Variants in KLHL1 observed in about 807,000 individuals in gnomAD.
The protein encoded by KLHL1 is kelch like family member 1.
KLHL1 carries 47 observed loss-of-function variants against 77.7 expected under a neutral mutation model. That is an observed-to-expected ratio of 0.60 (90% CI 0.48 to 0.77). The LOEUF is 0.77. KLHL1 is among the 30% of genes least tolerant of loss of function. The pLI, the probability that KLHL1 is intolerant of heterozygous loss-of-function variation, is 0.00. For missense variants in KLHL1, 925 were observed against 910.8 expected (o/e 1.02, Z -0.20); for synonymous variants, 360 against 325.2 (o/e 1.11, Z -1.15).
intron 5 of KLHL1, among the ~76,000 whole-genome samples, chr13:69,844,883 G>A (rs923186417): frequency 1.2e-4 from 18 of 151,194 alleles, no homozygotes; most frequent in African/African-American, 4.4e-4. Context: ...ACACATCTTG[G>A]AACTGGTACA....
rs755814786 is a variant in KLHL1, at chr13:69,975,692, T to C, written c.608A>G (p.Glu203Gly). ...HHAEQTFRKMESYLKQQQLCD... is the reference protein window; with the variant it reads ...HHAEQTFRKMGSYLKQQQLCD... ...AAGTTGCTGCTGCTTCAAATAACTTTCCATCTTTCTGAAGGTTTGCTCAGC... is the reference window on the plus strand; with the variant it reads ...AAGTTGCTGCTGCTTCAAATAACTTCCCATCTTTCTGAAGGTTTGCTCAGC... The change falls in exon 2 of 11, where the codon GAA (glutamate) becomes GGA (glycine). Residue 203 changes from glutamate to glycine, a missense_variant. Glu to Gly is a moderately conservative substitution (Grantham distance 98). Coordinates refer to ENST00000377844, the MANE Select transcript of KLHL1 (RefSeq NM_020866.3). 58 of 1,613,646 alleles carry C rather than the reference T, an allele frequency of 3.6e-5. No homozygotes were observed. The Middle Eastern group carries it at 6.6e-4, about 18-fold the overall frequency.
chr13:70,088,442 G>A (rs1887596183), intron 1 of KLHL1, among the ~76,000 whole-genome samples: 1 of 152,184 alleles, frequency 6.6e-6, no homozygotes, highest in African/African-American at 2.4e-5. Context: ...CACTTGGGGA[G>A]ATGAAGGATG....
intron 1 of KLHL1, among the ~76,000 whole-genome samples, chr13:70,012,901 T>TAAA (rs5804457): frequency 1.1e-4 from 16 of 150,256 alleles, no homozygotes; most frequent in African/African-American, 2.0e-4. Context: ...AGATTCTGTA[T>TAAA]AAAAAAAATA....
Position 69,731,878 on chromosome 13 carries a change from A to G in KLHL1, c.1802+8516T>C, listed in dbSNP as rs1873556802. Among the ~76,000 whole-genome samples, 3 of 152,200 alleles carry G rather than the reference A, an allele frequency of 2.0e-5. No individual in the cohort carries two copies. In the South Asian group the frequency reaches 6.2e-4, roughly 31 times the overall value. On this transcript the variant is annotated intron_variant, in intron 8 of 10. Transcript: ENST00000377844. ...TGACAGGGAAAATCACAAGTAGTAAATAGAAAAACAAAGTAAAACAAAGCA... is the reference window on the plus strand; with the variant it reads ...TGACAGGGAAAATCACAAGTAGTAAGTAGAAAAACAAAGTAAAACAAAGCA...
chr13:70,017,389 G>A (rs889865060), intron 1 of KLHL1, among the ~76,000 whole-genome samples: 15 of 152,158 alleles, frequency 9.9e-5, no homozygotes, highest in African/African-American at 2.9e-4. Context: ...TGCCCACATC[G>A]GAAGCTGCAT....
intron 1 of KLHL1, among the ~76,000 whole-genome samples, chr13:70,087,641 T>G (rs918697087): frequency 3.3e-5 from 5 of 151,432 alleles, no homozygotes; most frequent in African/African-American, 1.2e-4. Flanking sequence ...CAAAGTCCAC[T>G]GTTTCTTTTC....
intron 6 of KLHL1, among the ~76,000 whole-genome samples, chr13:69,815,217 GA>G (rs1878069512): frequency 6.6e-6 from 1 of 152,092 alleles, no homozygotes; most frequent in South Asian, 2.1e-4. Flanking sequence ...ATACCCAAAG[GA>G]AAAGAAATCA....
chr13:69,722,812 T>C (rs1405294550), intron 8 of KLHL1, among the ~76,000 whole-genome samples: 1 of 152,050 alleles, frequency 6.6e-6, no homozygotes, highest in East Asian at 1.9e-4. Context: ...GCAATCTCAC[T>C]ACTTGGTGTA....
At chr13:69,751,664 G>T (rs1566212436) in intron 7 of KLHL1, among the ~76,000 whole-genome samples, 1 of 152,120 alleles carries the variant, frequency 6.6e-6, no homozygotes, top group Non-Finnish European at 1.5e-5. Context: ...ACAGTGTGGG[G>T]CCTTGTATGC....
chr13:69,799,989 C>G (rs1030302587), intron 6 of KLHL1, among the ~76,000 whole-genome samples: 1 of 152,106 alleles, frequency 6.6e-6, no homozygotes, highest in Non-Finnish European at 1.5e-5. Flanking sequence ...AATCTAATGC[C>G]TGATAACCTG....
intron 1 of KLHL1, among the ~76,000 whole-genome samples, chr13:69,990,896 C>A (rs1885011710): frequency 6.6e-6 from 1 of 151,812 alleles, no homozygotes; most frequent in South Asian, 2.1e-4. Context: ...GTCAACCATG[C>A]AATTGGACAT....
chr13:69,766,493 T>C lies in KLHL1; in HGVS notation c.1640-25937A>G, dbSNP rs144838688. Among the ~76,000 whole-genome samples the C allele has an allele frequency of 6.6e-4, 100 of 150,622 alleles. 2 individuals carry two copies. The East Asian group carries it at 0.017, about 26-fold the overall frequency. On this transcript the variant is annotated intron_variant, in intron 7 of 10. Coordinates refer to ENST00000377844, the MANE Select transcript of KLHL1 (RefSeq NM_020866.3). ...TTTTATATATATATACATATATATA[T>C]ATATTTAGAGTGCTTGACTCTGTTT...
intron 1 of KLHL1, among the ~76,000 whole-genome samples, chr13:70,084,005 G>T (rs376508287): frequency 6.6e-6 from 1 of 151,908 alleles, no homozygotes; most frequent in South Asian, 2.1e-4. Context: ...CACTCAAAAC[G>T]CAAAAATGAT....
intron 1 of KLHL1, among the ~76,000 whole-genome samples, chr13:70,085,312 A>G (rs757596713): frequency 1.2e-4 from 18 of 152,162 alleles, no homozygotes; most frequent in Admixed American, 6.5e-4. Context: ...CATCATTTTT[A>G]TTGCATTTTA....
chr13:70,073,846 A>G (rs1887198363), intron 1 of KLHL1, among the ~76,000 whole-genome samples: 1 of 149,486 alleles, frequency 6.7e-6, no homozygotes, highest in Admixed American at 6.6e-5. Context: ...TTTTTTTGAG[A>G]TGGAGTCTCG....
At chr13:69,947,364 G>A (rs1883565305) in intron 3 of KLHL1, among the ~76,000 whole-genome samples, 1 of 151,836 alleles carries the variant, frequency 6.6e-6, no homozygotes, top group East Asian at 1.9e-4. Context: ...CTTTATATGT[G>A]TGTGTATTTT....
intron 1 of KLHL1, among the ~76,000 whole-genome samples, chr13:70,014,695 A>G (rs761112918): frequency 8.5e-5 from 13 of 152,174 alleles, no homozygotes; most frequent in Admixed American, 6.5e-4. Context: ...GTACTTAAAG[A>G]ATTGCACTTA....
chr13:69,896,385 G>C (rs1443380677), intron 4 of KLHL1, among the ~76,000 whole-genome samples: 1 of 152,146 alleles, frequency 6.6e-6, no homozygotes, highest in Admixed American at 6.5e-5. Context: ...CATCTGCAAA[G>C]TACCTACACA....
intron 1 of KLHL1, among the ~76,000 whole-genome samples, chr13:70,063,061 G>A (rs1482943918): frequency 6.6e-6 from 1 of 152,060 alleles, no homozygotes; most frequent in Non-Finnish European, 1.5e-5. Context: ...TTTGGCCACA[G>A]ATTCTGACTT....
Sources: gnomAD v4.1 joint callset for allele counts (sites outside exome capture counted in the v4.1 genomes callset) on GRCh38, gnomAD v4.1.1 for gene constraint, MANE v1.5 for transcripts, NCBI Gene and HGNC (gene_info 2026-07-23, HGNC 2026-07-21) for gene names.